NF1: variants seen among roughly 807,000 people sequenced by gnomAD.
The protein encoded by NF1 is neurofibromin 1, also known as neurofibromin.
Under a neutral mutation model 325.7 loss-of-function variants are expected in NF1, and 122 were observed. That is an observed-to-expected ratio of 0.37 (90% CI 0.32 to 0.44). The LOEUF (loss-of-function observed/expected upper bound fraction) is 0.44, where lower values mean the gene tolerates loss of function less well. Among genes scored for constraint, NF1 ranks in the 20% least tolerant of loss-of-function variants. The pLI is 1.00. For missense variants in NF1, 2,140 were observed against 3,415.4 expected, an observed-to-expected ratio of 0.63 and a Z score of 9.31; for synonymous variants, 1,091 against 1,186.0, an observed-to-expected ratio of 0.92 and a Z score of 1.65.
At chr17:31,224,225 T>C (rs966977476) in intron 16 of NF1, among the ~76,000 whole-genome samples, 1 of 152,140 alleles carries the variant, frequency 6.6e-6, no homozygotes, top group Non-Finnish European at 1.5e-5. Context: ...TATTGAAACA[T>C]GGTGAGGTTG....
At chr17:31,114,885 G>A (rs1466327991) in intron 1 of NF1, among the ~76,000 whole-genome samples, 1 of 152,106 alleles carries the variant, frequency 6.6e-6, no homozygotes, top group Non-Finnish European at 1.5e-5. Context: ...CAAATCTTTG[G>A]TGGTCCTGCT....
At chr17:31,315,901 A>G (rs554258027) in intron 36 of NF1, among the ~76,000 whole-genome samples, 12 of 152,204 alleles carry the variant, frequency 7.9e-5, no homozygotes, top group Admixed American at 7.2e-4. Context: ...ATCAAATGCT[A>G]TAAAGCTTTT....
chr17:31,158,923 T>A (rs537684064), intron 2 of NF1, 87 bp from the exon 3 acceptor site: 103 of 771,032 alleles, frequency 1.3e-4, no homozygotes, highest in Non-Finnish European at 1.8e-4. Flanking sequence ...CTATTGTTGA[T>A]CTTTTAGTCT....
intron 18 of NF1, among the ~76,000 whole-genome samples, chr17:31,226,913 G>A (rs2067025324): frequency 6.6e-6 from 1 of 152,222 alleles, no homozygotes; most frequent in South Asian, 2.1e-4. Flanking sequence ...ATAACTGGCA[G>A]TAGATGTTAC....
chr17:31,207,029 AT>A (rs1229236414), intron 12 of NF1, among the ~76,000 whole-genome samples: 1 of 151,418 alleles, frequency 6.6e-6, no homozygotes, highest in Non-Finnish European at 1.5e-5. Flanking sequence ...TGTGGAAGTC[AT>A]TTTTTTGGTG....
Position 31,199,239 on chromosome 17 carries a change from C to G in NF1, c.889-1183C>G, listed in dbSNP as rs537030953. Among the ~76,000 whole-genome samples, 5 of 152,208 alleles carry G rather than the reference C, an allele frequency of 3.3e-5. No individual in the cohort carries two copies. In the South Asian group the frequency reaches 6.2e-4, roughly 19 times the overall value. On this transcript the variant is annotated intron_variant, in intron 8 of 57. Coordinates refer to ENST00000358273, the MANE Select transcript of NF1 (RefSeq NM_001042492.3). ...ACAGGTTTACATTTTTCTTTTAGCTCTGCATTCACTGCATCCTATAAGTTT... is the reference window on the plus strand; with the variant it reads ...ACAGGTTTACATTTTTCTTTTAGCTGTGCATTCACTGCATCCTATAAGTTT...
chr17:31,374,740 G>T lies in NF1; in HGVS notation c.*585G>T, dbSNP rs372804411. 131 of 234,234 alleles carry T rather than the reference G, an allele frequency of 5.6e-4. No homozygotes were observed. The highest frequency in any genetic ancestry group is 2.4e-3 in the Admixed American group (44 of 18,038). 14.5% of individuals were successfully genotyped at this position (234,234 alleles called of 1,614,324 possible). ...ATAAAGCCACAGACAAGGTACTTGG[G>T]GGGGAGGGCAGGGAAATTTCATATT... On this transcript the variant is annotated 3_prime_UTR_variant, in exon 58 of 58. Transcript: ENST00000358273.
chr17:31,102,184 A>T (rs1391526981), intron 1 of NF1, among the ~76,000 whole-genome samples: 4 of 152,230 alleles, frequency 2.6e-5, no homozygotes, highest in African/African-American at 9.6e-5. Flanking sequence ...TAGAGCAAAC[A>T]TGTTTTTTGA....
At chr17:31,315,156 C>A (rs1391843234) in intron 36 of NF1, among the ~76,000 whole-genome samples, 2 of 152,024 alleles carry the variant, frequency 1.3e-5, no homozygotes, top group African/African-American at 2.4e-5. Flanking sequence ...AAGTTCTCAA[C>A]TATTTATTTG....
intron 54 of NF1, 146 bp downstream of exon 54, chr17:31,357,515 TTAAGA>T: frequency 1.4e-6 from 1 of 709,280 alleles, no homozygotes; most frequent in Non-Finnish European, 2.5e-6. Flanking sequence ...TTAATGAGGG[TTAAGA>T]TTAGTTTTGA....
At chr17:31,298,321 G>A (rs2068507019) in intron 36 of NF1, among the ~76,000 whole-genome samples, 1 of 152,042 alleles carries the variant, frequency 6.6e-6, no homozygotes, top group Admixed American at 6.6e-5. Context: ...TTCCAGAATG[G>A]CAAGTTTAAA....
At chr17:31,119,231 G>A (rs1342786703) in intron 1 of NF1, among the ~76,000 whole-genome samples, 3 of 151,954 alleles carry the variant, frequency 2.0e-5, no homozygotes, top group Non-Finnish European at 2.9e-5. Flanking sequence ...GTGAGCCACC[G>A]CGCCTGGCCT....
chr17:31,233,880 A>G (rs1385886991), intron 27 of NF1, among the ~76,000 whole-genome samples: 2 of 152,208 alleles, frequency 1.3e-5, no homozygotes, highest in Non-Finnish European at 2.9e-5. Context: ...TATTTGTTAT[A>G]CCTGTACTTA....
chr17:31,152,845 T>A (rs2143604003), intron 1 of NF1, among the ~76,000 whole-genome samples: 1 of 152,214 alleles, frequency 6.6e-6, no homozygotes, highest in East Asian at 1.9e-4. Flanking sequence ...TTTTTCTGTT[T>A]CTTACTCCTT....
At position 31,249,112 on chromosome 17, in the gene NF1, T is replaced by C. The variant is rs1597735265; in HGVS notation, c.4103T>C (p.Leu1368Ser). Residue 1368 changes from leucine to serine, a missense_variant, in exon 30 of 58, where the codon TTA becomes TCA. Physicochemically the swap from Leu to Ser is moderately radical, Grantham distance 145. Coordinates refer to ENST00000358273, the MANE Select transcript of NF1 (RefSeq NM_001042492.3). ...PPQLRSVCHC[L>S]YQATCHSLLN... is the part of the protein sequence containing the mutation. ...CAACTTCGAAGTGTGTGCCACTGTT[T>C]ATACCAGGTATGCTTACAGTTAGAG... 1.2e-6 allele frequency: 2 copies of C among 1,614,022 alleles called. No homozygotes were observed. The highest frequency in any genetic ancestry group is 2.2e-5 in the East Asian group (1 of 44,860).
intron 8 of NF1, among the ~76,000 whole-genome samples, chr17:31,194,038 G>A (rs1260625290): frequency 3.3e-5 from 5 of 152,110 alleles, no homozygotes; most frequent in Admixed American, 6.5e-5. Context: ...ATTACTGGAC[G>A]TTTATCCAAA....
At chr17:31,337,645 A>G (rs1339730225) in intron 43 of NF1, 63 bp downstream of exon 43, 3 of 1,484,826 alleles carry the variant, frequency 2.0e-6, no homozygotes, top group Admixed American at 1.8e-5. Flanking sequence ...TGTTAATACT[A>G]TATAGAAGAA....
At position 31,336,596 on chromosome 17, in the gene NF1, GTT is replaced by G. The variant is rs398100472; in HGVS notation, c.6148-29_6148-28del. On this transcript the variant is annotated intron_variant, in intron 41 of 57. Transcript: ENST00000358273. This position sits in a 1 kb window ranked among gnomAD's most constrained non-coding sequence, Gnocchi z 5.5. ...TTTGTGCTAAAACTTTGAGTCCCAT[GTT>G]TTTTTTTTTAAAAAAAAAAATCCTG... is the stretch of plus-strand genomic sequence containing the variant. 0.016 allele frequency: 18,436 copies of G among 1,133,930 alleles called. 29 individuals are homozygous for G. The highest frequency in any genetic ancestry group is 0.017 in the Middle Eastern group (70 of 4,008). The allele number at this position is 1,133,930 out of a possible 1,614,324, so 70.2% of individuals were successfully genotyped here.
chr17:31,349,683 A>G (rs2070091553), intron 49 of NF1, among the ~76,000 whole-genome samples: 1 of 152,172 alleles, frequency 6.6e-6, no homozygotes. Flanking sequence ...CCTCTTCAAT[A>G]TTCATTCCTT....
Sources: gnomAD v4.1 joint callset for allele counts (sites outside exome capture counted in the v4.1 genomes callset) on GRCh38, gnomAD v4.1.1 for gene constraint, Gnocchi (gnomAD v3.1) non-coding constraint, MANE v1.5 for transcripts, NCBI Gene and HGNC (gene_info 2026-07-23, HGNC 2026-07-21) for gene names.